The following CHD2 variants were observed in gnomAD, a reference collection of about 807,000 sequenced individuals.
CHD2 encodes ATP-dependent chromatin remodeler CHD2.
A neutral mutation model predicts 243.9 loss-of-function variants in CHD2; 28 were observed. That is an observed-to-expected ratio of 0.11 (90% confidence interval 0.09 to 0.16). CHD2 has a LOEUF of 0.16. Among genes scored for constraint, CHD2 ranks in the 10% least tolerant of loss-of-function variants. CHD2 has a pLI of 1.00. For synonymous variants in CHD2, 775 were observed against 779.0 expected (o/e 0.99, Z 0.09); for missense variants, 1,386 against 2,209.8 (o/e 0.63, Z 7.47).
In CHD2 at chr15:93,020,091, C is replaced by T. The variant is rs139082993; in HGVS notation, c.4986C>T (p.His1662=). Residue 1662 remains histidine (H), a synonymous_variant, in exon 38 of 39, where the codon CAC becomes CAT. Coordinates refer to ENST00000394196, the MANE Select transcript of CHD2 (RefSeq NM_001271.4). ...NNNPPWGSDR[H]HQYEQHWYKD... Reference sequence around the variant, plus strand: ...ATCCACCATGGGGAAGCGACAGGCACCATCAGTATGAGCAGCACTGGTACA... The same window carrying T: ...ATCCACCATGGGGAAGCGACAGGCATCATCAGTATGAGCAGCACTGGTACA... 7.9e-5 allele frequency: 127 copies of T among 1,614,006 alleles called. No individual in the cohort carries two copies. Among genetic ancestry groups the T allele is most frequent in the Non-Finnish European group, 1.0e-4 (119 of 1,180,038 alleles).
intron 3 of CHD2, among the ~76,000 whole-genome samples, chr15:92,925,108 T>C (rs967957259): frequency 1.3e-5 from 2 of 152,170 alleles, no homozygotes; most frequent in African/African-American, 2.4e-5. Flanking sequence ...GCCTAAAATA[T>C]ATTTTTAAGG....
In CHD2 at chr15:92,942,953, G is replaced by C; in HGVS notation, c.937G>C (p.Gly313Arg). 7 of 1,614,004 alleles carry C rather than the reference G, an allele frequency of 4.3e-6. No homozygotes were observed. The highest frequency in any genetic ancestry group is 5.9e-6 in the Non-Finnish European group (7 of 1,179,964). ...AATCCAGTACCTCATCAAGTGGAAG[G>C]GTTGGTCTTACATCCACAGCACATG... ...GEIQYLIKWKGWSYIHSTWES... is the reference protein window; with the variant it reads ...GEIQYLIKWKRWSYIHSTWES... Residue 313 changes from glycine to arginine, a missense_variant, in exon 9 of 39, where the codon GGT becomes CGT. Physicochemically the swap from Gly to Arg is moderately radical, Grantham distance 125. Transcript: ENST00000394196.
intron 3 of CHD2, 48 bp from the exon 4 acceptor site, chr15:92,927,196 A>T: frequency 7.7e-7 from 1 of 1,305,190 alleles, no homozygotes; most frequent in Non-Finnish European, 1.1e-6. Flanking sequence ...TGATAATAAT[A>T]ATGGGGGTCA....
rs752679516 is a variant in CHD2, at chr15:92,985,602, A to G, written c.3342A>G (p.Pro1114=). ...ETEDSDDDKK[P]KRRGRPRSVR... ...AAGACTCTGATGATGACAAGAAGCC[A>G]AAGCGCAGAGGGCGTCCGAGGAGTG... is the stretch of plus-strand genomic sequence containing the variant. The change falls in exon 26 of 39, where the codon CCA becomes CCG. Residue 1114 remains proline (P), a synonymous_variant. Transcript: ENST00000394196. 1.2e-6 allele frequency: 2 copies of G among 1,614,084 alleles called. No homozygotes were observed. The highest frequency in any genetic ancestry group is 1.1e-5 in the South Asian group (1 of 91,084).
intron 33 of CHD2, among the ~76,000 whole-genome samples, chr15:93,003,125 C>T (rs1410990286): frequency 6.6e-6 from 1 of 151,956 alleles, no homozygotes; most frequent in East Asian, 1.9e-4. Context: ...AAAATAAAAA[C>T]AAGCAAAAAT....
At chr15:92,914,197 A>T (rs1283414746) in intron 2 of CHD2, among the ~76,000 whole-genome samples, 1 of 152,260 alleles carries the variant, frequency 6.6e-6, no homozygotes, top group Non-Finnish European at 1.5e-5. Context: ...GGGTGTAAAT[A>T]CATTGCCCGA....
At chr15:93,014,979 C>G (rs1447718375) in intron 37 of CHD2, 70 bp downstream of exon 37, 16 of 1,245,432 alleles carry the variant, frequency 1.3e-5, no homozygotes, top group Non-Finnish European at 1.9e-5. Context: ...GTTTCATTTT[C>G]CAAAGACACT....
chr15:92,940,072 G>A (rs2053334105), intron 7 of CHD2, among the ~76,000 whole-genome samples: 1 of 152,126 alleles, frequency 6.6e-6, no homozygotes, highest in South Asian at 2.1e-4. Flanking sequence ...AATCACAGAC[G>A]TTTTTCTGAG....
At position 92,998,733 on chromosome 15, in the gene CHD2, A is replaced by C; in HGVS notation, c.4008+112A>C. ...GCACTGCACAGAATGTCACCTTCTCATGGGCATATTTTGTTTTTGAGGTTC... is the reference window on the plus strand; with the variant it reads ...GCACTGCACAGAATGTCACCTTCTCCTGGGCATATTTTGTTTTTGAGGTTC... On this transcript the variant is annotated intron_variant, in intron 31 of 38. Transcript: ENST00000394196. This position sits in a 1 kb window ranked among gnomAD's most constrained non-coding sequence, Gnocchi z 5.1. 21 of 1,324,458 alleles carry C rather than the reference A, an allele frequency of 1.6e-5. No homozygotes were observed. Among genetic ancestry groups the C allele is most frequent in the Non-Finnish European group, 1.9e-5 (18 of 970,608 alleles). 82.0% of individuals were successfully genotyped at this position (1,324,458 alleles called of 1,614,324 possible).
At chr15:92,962,433 A>G (rs953930528) in intron 16 of CHD2, among the ~76,000 whole-genome samples, 2 of 151,982 alleles carry the variant, frequency 1.3e-5, no homozygotes, top group Non-Finnish European at 2.9e-5. Context: ...TCTTTGAAGC[A>G]TGGGTTTTTC....
At chr15:92,909,600 G>A (rs558492206) in intron 2 of CHD2, among the ~76,000 whole-genome samples, 8 of 152,154 alleles carry the variant, frequency 5.3e-5, no homozygotes, top group South Asian at 4.1e-4. Context: ...TGTGGGGAGC[G>A]TCTCATACAC....
At chr15:92,924,215 T>TA (rs1250729664) in intron 2 of CHD2, 106 bp from the exon 3 acceptor site, 2 of 895,476 alleles carry the variant, frequency 2.2e-6, no homozygotes, top group Non-Finnish European at 3.4e-6. Context: ...GGTCTTATAT[T>TA]ACTAAAATTA....
intron 24 of CHD2, 67 bp downstream of exon 24, chr15:92,981,524 C>T (rs547982261): frequency 1.6e-5 from 21 of 1,277,332 alleles, no homozygotes; most frequent in South Asian, 6.4e-5. Context: ...TGTTTATGAA[C>T]GCTTTCTTTG....
chr15:92,985,403 C>G, intron 25 of CHD2, 95 bp from the exon 26 acceptor site: 1 of 1,287,656 alleles, frequency 7.8e-7, no homozygotes, highest in South Asian at 1.6e-5. Flanking sequence ...GTGAGAAGTT[C>G]TGAATACTAA....
At chr15:92,957,756 T>C (rs2053634729) in intron 16 of CHD2, among the ~76,000 whole-genome samples, 1 of 152,162 alleles carries the variant, frequency 6.6e-6, no homozygotes, top group African/African-American at 2.4e-5. Flanking sequence ...GCAACCATCA[T>C]CATTGTCCAG....
At chr15:92,952,381 C>G (rs756254769) in intron 13 of CHD2, among the ~76,000 whole-genome samples, 8 of 151,986 alleles carry the variant, frequency 5.3e-5, no homozygotes, top group Non-Finnish European at 1.0e-4. Context: ...TTATTGTGCA[C>G]TTTATTTCTA....
chr15:92,901,654 G>T, intron 2 of CHD2: 1 of 394,578 alleles, frequency 2.5e-6, no homozygotes, highest in Non-Finnish European at 4.5e-6. Flanking sequence ...TTGCTGCATT[G>T]CACCATTTTA....
intron 23 of CHD2, 49 bp downstream of exon 23, chr15:92,980,960 G>A: frequency 7.9e-7 from 1 of 1,267,028 alleles, no homozygotes; most frequent in Non-Finnish European, 1.1e-6. Flanking sequence ...TATGATCTGT[G>A]AGAGTCTAAC....
chr15:92,990,066 T>A (rs1244303755), intron 26 of CHD2, among the ~76,000 whole-genome samples: 1 of 152,222 alleles, frequency 6.6e-6, no homozygotes, highest in African/African-American at 2.4e-5. Flanking sequence ...ATCTAATTGT[T>A]TTTGACCAAT....
Sources: allele counts gnomAD v4.1 joint callset (sites outside exome capture counted in the v4.1 genomes callset), GRCh38; gene constraint gnomAD v4.1.1; non-coding constraint Gnocchi (gnomAD v3.1); transcripts MANE v1.5; gene names NCBI Gene and HGNC (gene_info 2026-07-23, HGNC 2026-07-21).